The following TAFA4 variants were observed in gnomAD, a reference collection of about 807,000 sequenced individuals.
TAFA4 encodes chemokine-like protein TAFA-4.
TAFA4 carries 20 observed loss-of-function variants against 21.1 expected under a neutral mutation model. That is an observed-to-expected ratio of 0.95 (90% CI 0.67 to 1.38). The LOEUF is 1.38. Among genes scored for constraint, TAFA4 ranks in the 40% most tolerant of loss-of-function variants. TAFA4 has a pLI of 0.00. For synonymous variants in TAFA4, 71 were observed against 67.4 expected, an observed-to-expected ratio of 1.05 and a Z score of -0.26; for missense variants, 211 against 180.9, an observed-to-expected ratio of 1.17 and a Z score of -0.95.
At chr3:68,748,615 G>A (rs1237038276) in intron 4 of TAFA4, among the ~76,000 whole-genome samples, 1 of 152,080 alleles carries the variant, frequency 6.6e-6, no homozygotes, top group African/African-American at 2.4e-5. Flanking sequence ...ATGGTGGCAC[G>A]CACCTGTAGT....
chr3:68,738,523 G>C (rs2106727143), intron 5 of TAFA4, among the ~76,000 whole-genome samples: 1 of 152,266 alleles, frequency 6.6e-6, no homozygotes, highest in African/African-American at 2.4e-5. Flanking sequence ...TGGAAAAGTT[G>C]GGTAGTAAAA....
chr3:68,865,902 G>A lies in TAFA4; in HGVS notation c.130+14828C>T, dbSNP rs1420544599. ...AGAAATGGACTTTTCTATCTGCAAT[G>A]CACCTCCCTCAAATCTGCCAAGCAC... On this transcript the variant is annotated intron_variant, in intron 3 of 5. Transcript: ENST00000295569. 2.6e-5 allele frequency among the ~76,000 whole-genome samples: 4 copies of A among 152,026 alleles called. No homozygotes were observed. The East Asian group carries it at 5.8e-4, about 22-fold the overall frequency.
At chr3:68,858,137 G>C (rs1350282047) in intron 3 of TAFA4, among the ~76,000 whole-genome samples, 1 of 152,136 alleles carries the variant, frequency 6.6e-6, no homozygotes, top group East Asian at 1.9e-4. Context: ...CAGCACTTAA[G>C]TCATCTGATT....
chr3:68,783,119 A>T (rs1389584372), intron 3 of TAFA4, among the ~76,000 whole-genome samples: 1 of 152,190 alleles, frequency 6.6e-6, no homozygotes, highest in East Asian at 1.9e-4. Flanking sequence ...TAGAAATAGA[A>T]GGAAATCTCT....
At chr3:68,766,800 G>T (rs1249395845) in intron 3 of TAFA4, among the ~76,000 whole-genome samples, 3 of 152,082 alleles carry the variant, frequency 2.0e-5, no homozygotes, top group Non-Finnish European at 2.9e-5. Context: ...GTTTCCTCAT[G>T]GAATTCAAAT....
intron 1 of TAFA4, among the ~76,000 whole-genome samples, chr3:68,898,824 A>G (rs1012221261): frequency 6.6e-6 from 1 of 152,158 alleles, no homozygotes; most frequent in Non-Finnish European, 1.5e-5. Context: ...TTACTTACCC[A>G]AGTATACAAT....
At chr3:68,783,210 T>C (rs886823380) in intron 3 of TAFA4, among the ~76,000 whole-genome samples, 1 of 151,904 alleles carries the variant, frequency 6.6e-6, no homozygotes, top group Non-Finnish European at 1.5e-5. Context: ...CCCCTAAGAC[T>C]GGGAACAAAG....
chr3:68,889,319 G>C (rs2089707982), intron 1 of TAFA4, among the ~76,000 whole-genome samples: 1 of 152,110 alleles, frequency 6.6e-6, no homozygotes, highest in African/African-American at 2.4e-5. Flanking sequence ...GAAACTTTGA[G>C]GTTCCCAGGC....
intron 3 of TAFA4, among the ~76,000 whole-genome samples, chr3:68,805,455 T>C (rs1263805072): frequency 1.3e-5 from 2 of 152,234 alleles, no homozygotes; most frequent in Non-Finnish European, 2.9e-5. Flanking sequence ...CATTACTGGG[T>C]ATATACCCAA....
intron 3 of TAFA4, among the ~76,000 whole-genome samples, chr3:68,878,951 G>A (rs2089584789): frequency 6.6e-6 from 1 of 152,102 alleles, no homozygotes; most frequent in Non-Finnish European, 1.5e-5. Flanking sequence ...AACTGGGGGG[G>A]AGATTCCCAC....
rs112991654 is a variant in TAFA4 at position 68,926,555 on chromosome 3, G to A, written c.-123+5685C>T. Among the ~76,000 whole-genome samples, 604 of 152,246 alleles carry A rather than the reference G, an allele frequency of 4.0e-3. 9 individuals carry two copies. The highest frequency in any genetic ancestry group is 0.014 in the African/African-American group (568 of 41,548). ...GGATAAGACACTTTTCACTACTCTG[G>A]ACCTTAAAAGTTGCCATTAGAGCAG... On this transcript the variant is annotated intron_variant, in intron 1 of 5. Coordinates refer to ENST00000295569, the MANE Select transcript of TAFA4 (RefSeq NM_182522.5).
intron 3 of TAFA4, among the ~76,000 whole-genome samples, chr3:68,766,820 TAAC>T (rs1483745523): frequency 6.6e-6 from 1 of 152,048 alleles, no homozygotes; most frequent in Non-Finnish European, 1.5e-5. Flanking sequence ...TTTTTTGGGA[TAAC>T]AAAAAGAAAA....
chr3:68,771,968 T>TA (rs949785653), intron 3 of TAFA4, among the ~76,000 whole-genome samples: 9 of 151,772 alleles, frequency 5.9e-5, no homozygotes, highest in Admixed American at 2.0e-4. Context: ...AAGCAAATTG[T>TA]AAAAAAAATG....
intron 3 of TAFA4, among the ~76,000 whole-genome samples, chr3:68,791,120 G>A (rs765112150): frequency 1.9e-4 from 29 of 152,084 alleles, no homozygotes; most frequent in Non-Finnish European, 4.1e-4. Flanking sequence ...CATGGCCCTG[G>A]GGCACTAGTC....
chr3:68,898,202 C>T (rs9838328), intron 1 of TAFA4, among the ~76,000 whole-genome samples: 43,010 of 152,100 alleles, frequency 0.28, 7,465 homozygotes, highest in Middle Eastern at 0.41. Context: ...GAACCAGTCG[C>T]TTCATCTGAG....
chr3:68,741,722 G>C (rs962607670), intron 4 of TAFA4, among the ~76,000 whole-genome samples: 1 of 152,064 alleles, frequency 6.6e-6, no homozygotes, highest in Non-Finnish European at 1.5e-5. Context: ...AACCCGGGAG[G>C]TGGAGCTTGC....
intron 3 of TAFA4, among the ~76,000 whole-genome samples, chr3:68,800,063 G>A (rs1703543804): frequency 6.6e-6 from 1 of 152,098 alleles, no homozygotes; most frequent in South Asian, 2.1e-4. Flanking sequence ...CTAATTGCAG[G>A]AAGATAAGCT....
chr3:68,775,653 G>T (rs1489789933), intron 3 of TAFA4, among the ~76,000 whole-genome samples: 3 of 152,118 alleles, frequency 2.0e-5, no homozygotes, highest in Non-Finnish European at 4.4e-5. Context: ...TCTTAAAAAT[G>T]TACTCTGGTA....
At chr3:68,754,715 G>T (rs1702626118) in intron 3 of TAFA4, among the ~76,000 whole-genome samples, 2 of 152,142 alleles carry the variant, frequency 1.3e-5, no homozygotes, top group African/African-American at 4.8e-5. Context: ...TTATCAAACT[G>T]TCACCTACTA....
Sources: gnomAD v4.1 joint callset for allele counts (sites outside exome capture counted in the v4.1 genomes callset) on GRCh38, gnomAD v4.1.1 for gene constraint, MANE v1.5 for transcripts, NCBI Gene and HGNC (gene_info 2026-07-23, HGNC 2026-07-21) for gene names.